Variants in DDX1 observed in about 807,000 individuals in gnomAD.
The protein encoded by DDX1 is DEAD-box helicase 1.
In DDX1, 28 loss-of-function variants were observed where a neutral mutation model predicts 108.7. The ratio of observed to expected loss-of-function variants is 0.26; its 90% CI spans 0.19 to 0.35. The LOEUF (loss-of-function observed/expected upper bound fraction) is 0.35. Among genes scored for constraint, DDX1 ranks in the 10% least tolerant of loss-of-function variants. The pLI is 1.00. For synonymous variants in DDX1, 295 were observed against 288.9 expected (o/e 1.02, Z -0.21); for missense variants, 710 against 884.5 (o/e 0.80, Z 2.50).
At chr2:15,607,447 A>G in intron 13 of DDX1, 134 bp downstream of exon 13, 1 of 642,688 alleles carries the variant, frequency 1.6e-6, no homozygotes, top group African/African-American at 1.9e-5. Flanking sequence ...ATGTAAATAT[A>G]CTTTAATAAT....
intron 16 of DDX1, 137 bp downstream of exon 16, chr2:15,618,407 T>G (rs1337715748): frequency 3.5e-6 from 2 of 570,722 alleles, no homozygotes; most frequent in African/African-American, 3.7e-5. Context: ...TTTGCTCAGT[T>G]CCACCCACTT....
chr2:15,616,640 T>C (rs1051804330), intron 14 of DDX1, among the ~76,000 whole-genome samples: 2 of 152,232 alleles, frequency 1.3e-5, no homozygotes, highest in Admixed American at 6.5e-5. Flanking sequence ...AAATAAAACA[T>C]GTACTTGTAA....
Position 15,613,180 on chromosome 2 carries a change from TTAA to T in DDX1, c.957-42_957-40del, listed in dbSNP as rs777944377. On this transcript the variant is annotated intron_variant, in intron 13 of 25. Transcript: ENST00000233084. ...CAGATCAAACAATGTAAAGCAGACT[TTAA>T]TTTTTTTTTTTTTATATTATCATCT... 6.6e-6 allele frequency: 9 copies of T among 1,356,522 alleles called. No individual in the cohort carries two copies. The South Asian group carries it at 1.1e-4, about 16-fold the overall frequency. The allele number at this position is 1,356,522 out of a possible 1,614,324, so 84.0% of individuals were successfully genotyped here. A position where few individuals can be genotyped will look rare whatever the true frequency, so the allele number is the denominator to read the frequency against.
At chr2:15,601,675 CT>C (rs940307956) in intron 6 of DDX1, among the ~76,000 whole-genome samples, 4 of 152,156 alleles carry the variant, frequency 2.6e-5, no homozygotes, top group Non-Finnish European at 5.9e-5. Flanking sequence ...TCCTAGATAA[CT>C]TTTTAAAAGT....
intron 6 of DDX1, among the ~76,000 whole-genome samples, chr2:15,601,960 G>A (rs940023745): frequency 6.6e-6 from 1 of 152,098 alleles, no homozygotes; most frequent in African/African-American, 2.4e-5. Context: ...ATCTTTTAGA[G>A]CCCTTATAAT....
In DDX1 at chr2:15,613,213, A is replaced by G; in HGVS notation, c.957-11A>G. 2.5e-6 allele frequency: 4 copies of G among 1,569,174 alleles called. No individual in the cohort carries two copies. Among genetic ancestry groups the G allele is most frequent in the South Asian group, 1.2e-5 (1 of 84,002 alleles). Reference sequence around the variant, plus strand: ...TTTTTTTTTATATTATCATCTTGATATTTATTTCAGGGAGCTTCTGATAAT... The same window carrying G: ...TTTTTTTTTATATTATCATCTTGATGTTTATTTCAGGGAGCTTCTGATAAT... On this transcript the variant is annotated splice_polypyrimidine_tract_variant and intron_variant, in intron 13 of 25. Transcript: ENST00000233084.
chr2:15,620,080 A>G (rs1051530281), intron 16 of DDX1, 128 bp from the exon 17 acceptor site: 18 of 802,314 alleles, frequency 2.2e-5, no homozygotes, highest in Admixed American at 1.3e-4. Flanking sequence ...TTGTCGCTAC[A>G]TAGAGTAAGG....
chr2:15,622,359 A>G (rs1298580317), intron 18 of DDX1, among the ~76,000 whole-genome samples: 2 of 152,214 alleles, frequency 1.3e-5, no homozygotes, highest in Non-Finnish European at 2.9e-5. Context: ...CGCCTCAATG[A>G]AGATTCTTCT....
chr2:15,623,896 GTA>G (rs1666051735), intron 19 of DDX1, among the ~76,000 whole-genome samples: 1 of 151,882 alleles, frequency 6.6e-6, no homozygotes, highest in African/African-American at 2.4e-5. Context: ...ATAATAGAAT[GTA>G]TGTCTTTTAA....
rs2302929 is a variant in DDX1 at position 15,595,524 on chromosome 2, T to A, written c.103T>A (p.Leu35Met). The change falls in exon 3 of 26, where the codon TTG becomes ATG. Residue 35 changes from leucine to methionine, a missense_variant. Physicochemically the swap from Leu to Met is conservative, Grantham distance 15. Transcript: ENST00000233084. ...PTDIQAESIP[L>M]ILGGGDVLMA... ...TGATATCCAGGCTGAATCTATCCCA[T>A]TGATCTTAGGAGGAGGTGATGTACT... 6.8e-6 allele frequency: 11 copies of A among 1,609,254 alleles called. No homozygotes were observed. Among genetic ancestry groups the A allele is most frequent in the Middle Eastern group, 3.3e-4 (2 of 6,078 alleles).
intron 1 of DDX1, among the ~76,000 whole-genome samples, chr2:15,594,033 A>G (rs1665461434): frequency 6.6e-6 from 1 of 151,856 alleles, no homozygotes; most frequent in South Asian, 2.1e-4. Context: ...AGTGGAGATC[A>G]TGCCCCTACA....
At chr2:15,595,836 C>A (rs1337796520) in intron 3 of DDX1, among the ~76,000 whole-genome samples, 2 of 152,000 alleles carry the variant, frequency 1.3e-5, no homozygotes, top group Non-Finnish European at 2.9e-5. Flanking sequence ...TCCAGTTGTC[C>A]TTTTGCTTGA....
chr2:15,597,532 T>G, intron 5 of DDX1, 61 bp downstream of exon 5: 5 of 1,119,780 alleles, frequency 4.5e-6, no homozygotes, highest in African/African-American at 1.6e-5. Context: ...CACTGACAGT[T>G]AGGAAAGTGA....
At chr2:15,613,932 G>T (rs1315023211) in intron 14 of DDX1, among the ~76,000 whole-genome samples, 2 of 151,444 alleles carry the variant, frequency 1.3e-5, no homozygotes, top group Admixed American at 1.3e-4. Context: ...TGCCTCTTGG[G>T]TTCAAGCAGT....
rs190225171 is a variant in DDX1, at chr2:15,619,569, A to C, written c.1207-639A>C. Among the ~76,000 whole-genome samples, 68 of 152,346 alleles carry C rather than the reference A, an allele frequency of 4.5e-4. 1 individual carries two copies. Among genetic ancestry groups the C allele is most frequent in the Admixed American group, 3.7e-3 (56 of 15,312 alleles). On this transcript the variant is annotated intron_variant, in intron 16 of 25. Coordinates refer to ENST00000233084, the MANE Select transcript of DDX1 (RefSeq NM_004939.3). Reference sequence around the variant, plus strand: ...GCTGCCATCATTAATGCTTATGAGCAGGGTCAAAGGGTTTTTGTTTGGTCC... The same window carrying C: ...GCTGCCATCATTAATGCTTATGAGCCGGGTCAAAGGGTTTTTGTTTGGTCC...
chr2:15,605,916 T>A, intron 10 of DDX1, 34 bp from the exon 11 acceptor site: 1 of 1,415,298 alleles, frequency 7.1e-7, no homozygotes, highest in Non-Finnish European at 9.6e-7. Flanking sequence ...CTTTTCTGAT[T>A]GTTTTAATCT....
rs1666184556 is a variant in DDX1, at chr2:15,630,916, T to G, written c.*10T>G. The G allele has an allele frequency of 6.2e-7, 1 of 1,613,120 alleles. No individual in the cohort carries two copies. Among genetic ancestry groups the G allele is most frequent in the Admixed American group, 1.7e-5 (1 of 59,934 alleles). On this transcript the variant is annotated 3_prime_UTR_variant, in exon 26 of 26. Transcript: ENST00000233084. ...GTTCAGAACCTTCTGATTTTTACATTTACTGAATAAGATTTGAGTAATGAA... is the reference window on the plus strand; with the variant it reads ...GTTCAGAACCTTCTGATTTTTACATGTACTGAATAAGATTTGAGTAATGAA...
At chr2:15,617,405 T>G (rs559662884) in intron 15 of DDX1, 63 bp downstream of exon 15, 14 of 922,738 alleles carry the variant, frequency 1.5e-5, no homozygotes, top group Non-Finnish European at 2.3e-5. Context: ...ATAAAATATA[T>G]AAAATGAAGA....
At chr2:15,606,825 ATTG>A (rs1027352519) in intron 12 of DDX1, among the ~76,000 whole-genome samples, 1 of 152,108 alleles carries the variant, frequency 6.6e-6, no homozygotes, top group Non-Finnish European at 1.5e-5. Flanking sequence ...GTAGATTTTT[ATTG>A]TTGTTTTAAG....
Sources: gnomAD v4.1 joint callset for allele counts (sites outside exome capture counted in the v4.1 genomes callset) on GRCh38, gnomAD v4.1.1 for gene constraint, MANE v1.5 for transcripts, NCBI Gene and HGNC (gene_info 2026-07-23, HGNC 2026-07-21) for gene names.